Variants in SCML4 observed in about 807,000 individuals in gnomAD.
SCML4 encodes Scm polycomb group protein like 4.
In SCML4, 34 loss-of-function variants were observed where a neutral mutation model predicts 41.1. The ratio of observed to expected loss-of-function variants is 0.83; its 90% confidence interval spans 0.63 to 1.10. The LOEUF is 1.10. Among genes scored for constraint, SCML4 ranks in the 50% least tolerant of loss-of-function variants. SCML4 has a pLI of 0.00. For missense variants in SCML4, 522 were observed against 534.1 expected (o/e 0.98, Z 0.22); for synonymous variants, 214 against 220.9 (o/e 0.97, Z 0.28).
chr6:107,737,221 T>A (rs1051168198), intron 5 of SCML4, among the ~76,000 whole-genome samples: 1 of 152,186 alleles, frequency 6.6e-6, no homozygotes, highest in African/African-American at 2.4e-5. Flanking sequence ...CAAATGCCAT[T>A]GTGGACGTGG....
chr6:107,763,088 G>A (rs1019682934), intron 2 of SCML4, among the ~76,000 whole-genome samples: 1 of 151,914 alleles, frequency 6.6e-6, no homozygotes, highest in East Asian at 1.9e-4. Context: ...GTGCTATGTT[G>A]CCCAGGCTGG....
At chr6:107,782,260 G>A (rs1348367698) in intron 1 of SCML4, among the ~76,000 whole-genome samples, 3 of 152,168 alleles carry the variant, frequency 2.0e-5, no homozygotes, top group Non-Finnish European at 4.4e-5. Context: ...CTAAATCTAC[G>A]TATTCTCTGG....
rs1324745673 is a variant in SCML4 at position 107,778,223 on chromosome 6, ATATATATATATATATATATATATATAT to A, written c.-59-5864_-59-5838del. ...AAAAAAAAAAAAAAAAAAAAAAAAA[ATATATATATATATATATATATATATAT>A]ATATATATATATATAACTTGAGAAT... On this transcript the variant is annotated intron_variant, in intron 1 of 7. Transcript: ENST00000369020. 5.7e-3 allele frequency among the ~76,000 whole-genome samples: 18 copies of A among 3,140 alleles called. 1 individual carries two copies. The highest frequency in any genetic ancestry group is 0.01 in the African/African-American group (18 of 1,754). The allele number at this position is 3,140 out of a possible 152,430, so 2.1% of individuals were successfully genotyped here. A position where few individuals can be genotyped will look rare whatever the true frequency, so the allele number is the denominator to read the frequency against.
intron 4 of SCML4, 65 bp downstream of exon 4, chr6:107,746,624 G>A: frequency 7.6e-6 from 11 of 1,446,682 alleles, no homozygotes; most frequent in Non-Finnish European, 1.1e-5. Flanking sequence ...CCAGGCCTGA[G>A]TATGGCTGCT....
intron 1 of SCML4, among the ~76,000 whole-genome samples, chr6:107,806,193 C>CT (rs11403226): frequency 0.38 from 24,267 of 64,252 alleles, 2,074 homozygotes; most frequent in Non-Finnish European, 0.5. Context: ...ATTTCCCCCC[C>CT]CCCAATAAAC....
intron 1 of SCML4, among the ~76,000 whole-genome samples, chr6:107,820,140 T>C (rs1419161171): frequency 6.6e-6 from 1 of 152,208 alleles, no homozygotes. Context: ...ACTGCCTGCT[T>C]AACCCAGCAG....
At chr6:107,753,548 T>G (rs76293012) in intron 2 of SCML4, among the ~76,000 whole-genome samples, 3 of 152,198 alleles carry the variant, frequency 2.0e-5, no homozygotes, top group Non-Finnish European at 4.4e-5. Context: ...ATTGGTTGCA[T>G]GACAATGTGA....
chr6:107,751,899 C>T (rs909205721), intron 2 of SCML4, among the ~76,000 whole-genome samples: 59 of 152,252 alleles, frequency 3.9e-4, no homozygotes, highest in African/African-American at 1.4e-3. Flanking sequence ...CCCCAAAGTG[C>T]TGGGATTACA....
chr6:107,817,469 T>G (rs2094154856), intron 1 of SCML4, among the ~76,000 whole-genome samples: 3 of 151,690 alleles, frequency 2.0e-5, no homozygotes, highest in Admixed American at 2.0e-4. Flanking sequence ...ATACAAAAAT[T>G]ATCTAGGTGT....
At position 107,738,934 on chromosome 6, in the gene SCML4, C is replaced by T. The variant is rs117125741; in HGVS notation, c.682+6015G>A. Among the ~76,000 whole-genome samples, 52 of 152,248 alleles carry T rather than the reference C, an allele frequency of 3.4e-4. No homozygotes were observed. In the East Asian group the frequency reaches 9.7e-3, roughly 28 times the overall value. ...CCTAACAAGTCACACATATTTGTCA[C>T]CAACAATGGGGAGATCATTATCACC... is the stretch of plus-strand genomic sequence containing the variant. On this transcript the variant is annotated intron_variant, in intron 5 of 7. Coordinates refer to ENST00000369020, the MANE Select transcript of SCML4 (RefSeq NM_198081.5).
At chr6:107,807,687 G>T (rs1783840848) in intron 1 of SCML4, among the ~76,000 whole-genome samples, 2 of 152,172 alleles carry the variant, frequency 1.3e-5, no homozygotes, top group African/African-American at 4.8e-5. Flanking sequence ...TAAAAAGTGA[G>T]TTAGGCACTC....
intron 1 of SCML4, among the ~76,000 whole-genome samples, chr6:107,775,825 T>A (rs955579281): frequency 1.3e-5 from 2 of 152,036 alleles, no homozygotes; most frequent in African/African-American, 4.8e-5. Context: ...GGTATAGGAG[T>A]AGCAATTGGG....
the SCML4 span, among the ~76,000 whole-genome samples, chr6:107,830,303 T>C: frequency 6.6e-6 from 1 of 152,338 alleles, no homozygotes; most frequent in Non-Finnish European, 1.5e-5. Context: ...TCTCTCTTTG[T>C]GGCTCTGGGC....
At position 107,708,011 on chromosome 6, in the gene SCML4, G is replaced by T; in HGVS notation, c.974C>A (p.Ala325Asp). 2 of 1,550,226 alleles carry T rather than the reference G, an allele frequency of 1.3e-6. No individual in the cohort carries two copies. The highest frequency in any genetic ancestry group is 1.7e-6 in the Non-Finnish European group (2 of 1,147,000). Residue 325 changes from alanine to aspartate, a missense_variant and splice_region_variant, in exon 7 of 8, where the codon GCC (alanine) becomes GAC (aspartate). By Grantham distance (126) the Ala-to-Asp change is moderately radical (BLOSUM62 -2). Coordinates refer to ENST00000369020, the MANE Select transcript of SCML4 (RefSeq NM_198081.5). ...CTGCGCATCCTGAGAAGGGCTTGAG[G>T]CTGGATGGGGCACAGAGAGGGAGAC... ...NTTSLEGNRC[A>D]SSPSQDAQDA...
At chr6:107,821,111 G>T (rs1209386226) in intron 1 of SCML4, among the ~76,000 whole-genome samples, 2 of 152,188 alleles carry the variant, frequency 1.3e-5, no homozygotes, top group African/African-American at 4.8e-5. Flanking sequence ...TAATTCCAGA[G>T]AAAGTTAATT....
intron 1 of SCML4, among the ~76,000 whole-genome samples, chr6:107,803,393 C>CT (rs1206704008): frequency 1.1e-4 from 16 of 141,870 alleles, no homozygotes; most frequent in South Asian, 4.4e-4. Flanking sequence ...GTCAGCCCCT[C>CT]GCCCGGCCAG....
chr6:107,803,258 G>C (rs1317572196), intron 1 of SCML4, among the ~76,000 whole-genome samples: 1 of 142,414 alleles, frequency 7.0e-6, no homozygotes, highest in Non-Finnish European at 1.5e-5. Context: ...GAGAAGTGAG[G>C]AGACCCTCTG....
intron 1 of SCML4, among the ~76,000 whole-genome samples, chr6:107,790,122 T>C (rs541107084): frequency 6.6e-6 from 1 of 152,266 alleles, no homozygotes; most frequent in African/African-American, 2.4e-5. Context: ...AGAAGTTTCA[T>C]CTCCCAGCGC....
chr6:107,715,257 G>A (rs1462501468), intron 6 of SCML4, among the ~76,000 whole-genome samples: 2 of 136,228 alleles, frequency 1.5e-5, no homozygotes, highest in Admixed American at 1.5e-4. Flanking sequence ...TTACAGGTGT[G>A]AGCCACTGCG....
Sources: gnomAD v4.1 joint callset for allele counts (sites outside exome capture counted in the v4.1 genomes callset) on GRCh38, gnomAD v4.1.1 for gene constraint, MANE v1.5 for transcripts, NCBI Gene and HGNC (gene_info 2026-07-23, HGNC 2026-07-21) for gene names.